The following MACROD2 variants were observed in gnomAD, a reference collection of about 807,000 sequenced individuals.
The protein encoded by MACROD2 is mono-ADP ribosylhydrolase 2.
In MACROD2, 36 loss-of-function variants were observed where a neutral mutation model predicts 70.4. That is an observed-to-expected ratio of 0.51 (90% CI 0.39 to 0.68). The LOEUF (loss-of-function observed/expected upper bound fraction) is 0.68. MACROD2 is among the 30% of genes least tolerant of loss of function. MACROD2 has a pLI of 0.00. For synonymous variants in MACROD2, 172 were observed against 178.8 expected, an observed-to-expected ratio of 0.96 and a Z score of 0.30; for missense variants, 496 against 538.4, an observed-to-expected ratio of 0.92 and a Z score of 0.78.
chr20:14,909,045 T>C (rs983675950), intron 5 of MACROD2, among the ~76,000 whole-genome samples: 13 of 152,152 alleles, frequency 8.5e-5, no homozygotes, highest in African/African-American at 3.1e-4. Flanking sequence ...AAAAATGATT[T>C]TAAAAATATT....
chr20:14,503,291 C>A (rs2423788), intron 4 of MACROD2, among the ~76,000 whole-genome samples: 27,574 of 152,092 alleles, frequency 0.18, 2,789 homozygotes, highest in South Asian at 0.36. Context: ...CAGGGAAGAC[C>A]AGGTATCCTC....
chr20:14,286,314 T>C (rs1002678552), intron 3 of MACROD2, among the ~76,000 whole-genome samples: 2 of 152,132 alleles, frequency 1.3e-5, no homozygotes, highest in Non-Finnish European at 2.9e-5. Context: ...TTCATTAGTT[T>C]CAAGTACTTT....
chr20:15,303,541 C>G (rs999466130), intron 6 of MACROD2, among the ~76,000 whole-genome samples: 1 of 152,182 alleles, frequency 6.6e-6, no homozygotes, highest in African/African-American at 2.4e-5. Context: ...TACTCTAGTT[C>G]ACTCCATCAA....
chr20:14,461,223 A>G (rs981362006), intron 3 of MACROD2, among the ~76,000 whole-genome samples: 1 of 151,996 alleles, frequency 6.6e-6, no homozygotes, highest in Non-Finnish European at 1.5e-5. Flanking sequence ...AGAGGTATTT[A>G]TAGTATTCTC....
At chr20:14,026,739 G>A (rs555313357) in intron 2 of MACROD2, among the ~76,000 whole-genome samples, 11 of 152,284 alleles carry the variant, frequency 7.2e-5, no homozygotes, top group African/African-American at 2.6e-4. Context: ...GCTTCCCTTT[G>A]TGGGTAACCT....
At position 13,995,706 on chromosome 20, in the gene MACROD2, C is replaced by T. The variant is rs1360564151; in HGVS notation, c.-58C>T. ...CCACCCCTCCCACTCCACACACACC[C>T]TGTTTGCCCGTGAGCCTGGGGAACT... On this transcript the variant is annotated 5_prime_UTR_variant, in exon 1 of 18. Coordinates refer to ENST00000684519, the MANE Select transcript of MACROD2 (RefSeq NM_001351661.2). This position sits in a 1 kb window ranked among gnomAD's most constrained non-coding sequence, Gnocchi z 4.3. 2 of 1,562,120 alleles carry T rather than the reference C, an allele frequency of 1.3e-6. No individual in the cohort carries two copies. The highest frequency in any genetic ancestry group is 2.2e-5 in the South Asian group (2 of 89,058).
chr20:16,027,585 A>G (rs2067098259), intron 15 of MACROD2, among the ~76,000 whole-genome samples: 1 of 152,226 alleles, frequency 6.6e-6, no homozygotes, highest in African/African-American at 2.4e-5. Flanking sequence ...TATTTTCAGC[A>G]CTAAGTTCCT....
At chr20:15,368,885 C>A (rs977454772) in intron 6 of MACROD2, among the ~76,000 whole-genome samples, 1 of 152,112 alleles carries the variant, frequency 6.6e-6, no homozygotes, top group Non-Finnish European at 1.5e-5. Flanking sequence ...TGATATATTT[C>A]TTGTGGCTAG....
chr20:15,083,596 A>G lies in MACROD2; in HGVS notation c.419-146344A>G, dbSNP rs1245381374. On this transcript the variant is annotated intron_variant, in intron 5 of 17. Coordinates refer to ENST00000684519, the MANE Select transcript of MACROD2 (RefSeq NM_001351661.2). Reference sequence around the variant, plus strand: ...TTATTTTCCCTCCACATCAACAATAATTTTTTTTTTTTACTTAATTTTCTT... The same window carrying G: ...TTATTTTCCCTCCACATCAACAATAGTTTTTTTTTTTTACTTAATTTTCTT... Among the ~76,000 whole-genome samples the G allele has an allele frequency of 3.4e-5, 5 of 148,484 alleles. No individual in the cohort carries two copies. The East Asian group carries it at 9.9e-4, about 29-fold the overall frequency.
intron 3 of MACROD2, among the ~76,000 whole-genome samples, chr20:14,196,939 C>T (rs753355978): frequency 3.3e-5 from 5 of 152,224 alleles, no homozygotes; most frequent in Non-Finnish European, 7.3e-5. Flanking sequence ...TTATCAGATG[C>T]TCTCATTGTA....
intron 3 of MACROD2, among the ~76,000 whole-genome samples, chr20:14,114,804 G>A (rs955591963): frequency 4.6e-5 from 7 of 152,082 alleles, no homozygotes; most frequent in South Asian, 2.1e-4. Flanking sequence ...ACAAACTGGC[G>A]TAACAGTGTC....
At chr20:14,154,171 T>C (rs988299643) in intron 3 of MACROD2, among the ~76,000 whole-genome samples, 1 of 152,148 alleles carries the variant, frequency 6.6e-6, no homozygotes, top group Admixed American at 6.6e-5. Context: ...GATGACTTGG[T>C]TGTGTCTGAT....
At chr20:15,178,329 G>C (rs2076476747) in intron 5 of MACROD2, among the ~76,000 whole-genome samples, 1 of 152,094 alleles carries the variant, frequency 6.6e-6, no homozygotes, top group African/African-American at 2.4e-5. Flanking sequence ...CCTTAGTAGT[G>C]GCTACCACTC....
At chr20:14,127,983 G>A (rs1305296379) in intron 3 of MACROD2, 1 of 522,576 alleles carries the variant, frequency 1.9e-6, no homozygotes, top group African/African-American at 1.9e-5. Flanking sequence ...AAGAACAGTT[G>A]TCAGTGGTCT....
intron 8 of MACROD2, among the ~76,000 whole-genome samples, chr20:15,738,222 ATGTT>A (rs1299681869): frequency 6.6e-6 from 1 of 152,228 alleles, no homozygotes; most frequent in Non-Finnish European, 1.5e-5. Flanking sequence ...CAAATAATAA[ATGTT>A]TGAGGTGATA....
intron 3 of MACROD2, among the ~76,000 whole-genome samples, chr20:14,406,653 G>A (rs1012463874): frequency 6.6e-6 from 1 of 152,128 alleles, no homozygotes; most frequent in African/African-American, 2.4e-5. Flanking sequence ...AGGATAGGAA[G>A]ACATTGTCTT....
intron 6 of MACROD2, among the ~76,000 whole-genome samples, chr20:15,315,139 GA>G (rs2077795218): frequency 6.6e-6 from 1 of 152,098 alleles, no homozygotes; most frequent in Non-Finnish European, 1.5e-5. Flanking sequence ...TAAGAATGAA[GA>G]AAAGTGAACA....
chr20:14,600,179 G>A (rs1272630011), intron 4 of MACROD2, among the ~76,000 whole-genome samples: 1 of 151,856 alleles, frequency 6.6e-6, no homozygotes, highest in Non-Finnish European at 1.5e-5. Flanking sequence ...GTGACTAATC[G>A]GATGTCAGTC....
chr20:15,969,887 C>A (rs2066203403), intron 13 of MACROD2, among the ~76,000 whole-genome samples: 1 of 150,662 alleles, frequency 6.6e-6, no homozygotes, highest in Admixed American at 6.6e-5. Flanking sequence ...AAATCCACAA[C>A]CAGGCCCATC....
Sources: allele counts gnomAD v4.1 joint callset (sites outside exome capture counted in the v4.1 genomes callset), GRCh38; gene constraint gnomAD v4.1.1; non-coding constraint Gnocchi (gnomAD v3.1); transcripts MANE v1.5; gene names NCBI Gene and HGNC (gene_info 2026-07-23, HGNC 2026-07-21).